Variants in CLIP1 observed in about 807,000 individuals in gnomAD.
CLIP1 encodes CAP-Gly domain containing linker protein 1.
CLIP1 carries 66 observed loss-of-function variants against 161.6 expected under a neutral mutation model. That is an observed-to-expected ratio of 0.41 (90% CI 0.33 to 0.50). The LOEUF (loss-of-function observed/expected upper bound fraction) is 0.50, where lower values mean the gene tolerates loss of function less well. Ranked by LOEUF, CLIP1 falls within the 20% of genes least tolerant of loss-of-function variation. CLIP1 has a pLI of 0.27. For missense variants in CLIP1, 1,376 were observed against 1,702.0 expected, an observed-to-expected ratio of 0.81 and a Z score of 3.37; for synonymous variants, 598 against 626.2, an observed-to-expected ratio of 0.96 and a Z score of 0.67.
intron 20 of CLIP1, among the ~76,000 whole-genome samples, chr12:122,292,531 C>T (rs1198156875): frequency 6.6e-6 from 1 of 152,124 alleles, no homozygotes; most frequent in Non-Finnish European, 1.5e-5. Context: ...CTCTTTCCGT[C>T]CCAGCCCTGG....
At chr12:122,302,063 T>A (rs935239415) in intron 20 of CLIP1, among the ~76,000 whole-genome samples, 3 of 152,052 alleles carry the variant, frequency 2.0e-5, no homozygotes, top group African/African-American at 4.8e-5. Context: ...TTATAAGAAA[T>A]TTGATTTTTC....
At chr12:122,343,994 G>A (rs1378401727) in intron 10 of CLIP1, 1 of 152,318 alleles carries the variant, frequency 6.6e-6, no homozygotes. Flanking sequence ...AAGGCAAGAG[G>A]ATCACTTGTG....
chr12:122,417,716 G>T (rs934354746), intron 1 of CLIP1, among the ~76,000 whole-genome samples: 1 of 151,928 alleles, frequency 6.6e-6, no homozygotes, highest in South Asian at 2.1e-4. Flanking sequence ...GTTTCACTGC[G>T]TTAGCCAGGA....
Position 122,293,002 on chromosome 12 carries a change from CAAA to C in CLIP1, c.3595-4464_3595-4462del, listed in dbSNP as rs57326141. Reference sequence around the variant, plus strand: ...TGGGCAAAAGAGCAAGACTCTGTCTCAAAAAAAAAAAAAAAAAAAAGGCAAAGA... The same window carrying C: ...TGGGCAAAAGAGCAAGACTCTGTCTCAAAAAAAAAAAAAAAAAGGCAAAGA... On this transcript the variant is annotated intron_variant, in intron 20 of 25. Transcript: ENST00000620786. 3.0e-4 allele frequency among the ~76,000 whole-genome samples: 13 copies of C among 43,574 alleles called. 1 individual carries two copies. The highest frequency in any genetic ancestry group is 1.4e-3 in the African/African-American group (12 of 8,822). 28.6% of individuals were successfully genotyped at this position (43,574 alleles called of 152,430 possible).
chr12:122,320,602 T>C (rs1031357205), intron 17 of CLIP1, among the ~76,000 whole-genome samples: 2 of 151,218 alleles, frequency 1.3e-5, no homozygotes, highest in Admixed American at 6.6e-5. Context: ...CACGCACCTG[T>C]AGTCCCAGCT....
At chr12:122,291,198 CT>C (rs914606264) in intron 20 of CLIP1, among the ~76,000 whole-genome samples, 1 of 148,560 alleles carries the variant, frequency 6.7e-6, no homozygotes, top group Non-Finnish European at 1.5e-5. Flanking sequence ...CGACCCTTTT[CT>C]TTTTTTTTGA....
intron 17 of CLIP1, among the ~76,000 whole-genome samples, chr12:122,327,578 C>A (rs566060889): frequency 9.2e-4 from 140 of 152,082 alleles, no homozygotes; most frequent in African/African-American, 3.3e-3. Context: ...ATCGCAACAT[C>A]TCTCCAAACC....
chr12:122,379,943 T>A (rs1232739164), intron 2 of CLIP1, among the ~76,000 whole-genome samples: 2 of 70,418 alleles, frequency 2.8e-5, no homozygotes, highest in South Asian at 5.6e-4. Context: ...GACTCCATCT[T>A]TAAAAAAAAA....
At chr12:122,406,407 G>A (rs1217600510) in intron 1 of CLIP1, among the ~76,000 whole-genome samples, 1 of 152,178 alleles carries the variant, frequency 6.6e-6, no homozygotes, top group Non-Finnish European at 1.5e-5. Context: ...CTAAAGGACT[G>A]ACACAAGTCA....
intron 17 of CLIP1, among the ~76,000 whole-genome samples, chr12:122,325,150 T>C (rs1175456748): frequency 6.7e-6 from 1 of 148,608 alleles, no homozygotes; most frequent in African/African-American, 2.5e-5. Context: ...CCTCCGCCTC[T>C]GGGTTCAAGC....
intron 1 of CLIP1, among the ~76,000 whole-genome samples, chr12:122,401,483 C>T (rs891183823): frequency 6.6e-6 from 1 of 150,468 alleles, no homozygotes; most frequent in Non-Finnish European, 1.5e-5. Context: ...CTGACCAAAA[C>T]GGCGAAGCCC....
At chr12:122,333,961 A>G (rs1021588804) in intron 14 of CLIP1, 66 bp downstream of exon 14, 15 of 951,106 alleles carry the variant, frequency 1.6e-5, no homozygotes, top group Admixed American at 9.2e-5. Context: ...GTAACATACT[A>G]CAACTGTCTC....
intron 1 of CLIP1, among the ~76,000 whole-genome samples, chr12:122,398,562 T>C (rs1956020100): frequency 6.6e-6 from 1 of 152,058 alleles, no homozygotes; most frequent in Non-Finnish European, 1.5e-5. Context: ...AAGAACAAAA[T>C]ATGTTTTTAA....
intron 9 of CLIP1, 76 bp downstream of exon 9, chr12:122,351,035 A>G (rs749924335): frequency 4.2e-5 from 46 of 1,095,890 alleles, no homozygotes; most frequent in Non-Finnish European, 5.3e-5. Context: ...GTGTTTGAGT[A>G]TATCAATAAG....
At chr12:122,297,041 A>G (rs1184108950) in intron 20 of CLIP1, among the ~76,000 whole-genome samples, 4 of 151,954 alleles carry the variant, frequency 2.6e-5, no homozygotes, top group Admixed American at 1.3e-4. Context: ...AGGTTAAAAA[A>G]GAACATGGAT....
At chr12:122,402,729 T>C (rs975419238) in intron 1 of CLIP1, among the ~76,000 whole-genome samples, 4 of 152,088 alleles carry the variant, frequency 2.6e-5, no homozygotes, top group African/African-American at 9.7e-5. Flanking sequence ...TGAGCTGAGA[T>C]AGCGCCACTG....
At chr12:122,409,874 ATTTTTTT>A (rs770849234) in intron 1 of CLIP1, among the ~76,000 whole-genome samples, 24 of 142,030 alleles carry the variant, frequency 1.7e-4, no homozygotes, top group Admixed American at 1.2e-3. Context: ...TGTTATTTTT[ATTTTTTT>A]TTTTTTTGAG....
chr12:122,279,110 T>C lies in CLIP1; in HGVS notation c.3683A>G (p.Lys1228Arg). ...ACTGATGGATTTCTGCAAGGAAGCT[T>C]TCTCTTCATCTGCGTCTTTTATGAA... is the stretch of plus-strand genomic sequence containing the variant. Reference protein sequence around the residue: ...SKFIKDADEEKASLQKSISIT... With the variant: ...SKFIKDADEERASLQKSISIT... The change falls in exon 22 of 26, where the codon AAA becomes AGA. Residue 1228 changes from lysine (K) to arginine (R), a missense_variant. Transcript: ENST00000620786. The surrounding 1 kb of genome is among the most constrained non-coding windows in gnomAD (Gnocchi z 4.5). 6.2e-7 allele frequency: 1 copy of C among 1,612,892 alleles called. No homozygotes were observed. The highest frequency in any genetic ancestry group is 8.5e-7 in the Non-Finnish European group (1 of 1,179,708).
At chr12:122,400,203 C>T (rs1260157277) in intron 1 of CLIP1, 2 of 152,158 alleles carry the variant, frequency 1.3e-5, no homozygotes, top group African/African-American at 2.4e-5. Flanking sequence ...TTTCTTCCTT[C>T]CACTTCATTC....
Sources: allele counts gnomAD v4.1 joint callset (sites outside exome capture counted in the v4.1 genomes callset), GRCh38; gene constraint gnomAD v4.1.1; non-coding constraint Gnocchi (gnomAD v3.1); transcripts MANE v1.5; gene names NCBI Gene and HGNC (gene_info 2026-07-23, HGNC 2026-07-21).